The following PCNX2 variants were observed in gnomAD, a reference collection of about 807,000 sequenced individuals.
PCNX2 encodes the protein pecanex 2, also known as pecanex-like protein 2.
A neutral mutation model predicts 223.8 loss-of-function variants in PCNX2; 168 were observed. The ratio of observed to expected loss-of-function variants is 0.75; its 90% CI spans 0.66 to 0.85. The LOEUF is 0.85. Among genes scored for constraint, PCNX2 ranks in the 40% least tolerant of loss-of-function variants. The pLI is 0.00. For missense variants in PCNX2, 2,507 were observed against 2,675.5 expected (o/e 0.94, Z 1.39); for synonymous variants, 1,006 against 1,052.6 (o/e 0.96, Z 0.86).
chr1:233,227,380 T>C lies in PCNX2; in HGVS notation c.2359-9A>G, dbSNP rs759459279. 4 of 1,609,122 alleles carry C rather than the reference T, an allele frequency of 2.5e-6. No homozygotes were observed. In the South Asian group the frequency reaches 4.4e-5, roughly 18 times the overall value. ...AGATCCTGACTCACATGCTTTTAGATACCAAAAGAAACAACAGAAAAAAGG... is the reference window on the plus strand; with the variant it reads ...AGATCCTGACTCACATGCTTTTAGACACCAAAAGAAACAACAGAAAAAAGG... On this transcript the variant is annotated splice_polypyrimidine_tract_variant and intron_variant, in intron 9 of 33. Coordinates refer to ENST00000258229, the MANE Select transcript of PCNX2 (RefSeq NM_014801.4).
upstream of PCNX2, among the ~76,000 whole-genome samples, chr1:233,298,406 TGATA>T (rs1391776717): frequency 6.6e-5 from 10 of 152,126 alleles, no homozygotes; most frequent in African/African-American, 2.4e-4. Context: ...GGATTAAAGA[TGATA>T]AAGTGGGCAG....
At chr1:233,033,246 C>T (rs1230540114) in intron 25 of PCNX2, 27 of 954,376 alleles carry the variant, frequency 2.8e-5, no homozygotes, top group Admixed American at 6.2e-5. Context: ...TTTATTCCCA[C>T]CTAATTTCAA....
At chr1:233,150,765 T>G (rs932470584) in intron 19 of PCNX2, among the ~76,000 whole-genome samples, 8 of 152,232 alleles carry the variant, frequency 5.3e-5, no homozygotes, top group Non-Finnish European at 8.8e-5. Flanking sequence ...TTTCATTAGT[T>G]CAGTGGGAAT....
At chr1:233,109,431 C>T (rs925765542) in intron 21 of PCNX2, among the ~76,000 whole-genome samples, 7 of 152,146 alleles carry the variant, frequency 4.6e-5, no homozygotes, top group East Asian at 1.9e-4. Flanking sequence ...TGGAAAACAA[C>T]GCCGGATGAA....
chr1:233,210,531 G>A, intron 12 of PCNX2: 1 of 944,846 alleles, frequency 1.1e-6, no homozygotes, highest in Non-Finnish European at 1.3e-6. Flanking sequence ...CACCCGACTT[G>A]GCCTCCCAAA....
At chr1:232,998,546 G>C (rs1669958977) in intron 31 of PCNX2, 108 bp from the exon 32 acceptor site, 3 of 1,200,872 alleles carry the variant, frequency 2.5e-6, no homozygotes, top group Non-Finnish European at 3.5e-6. Context: ...GTGCTCTCCA[G>C]GTGAGTAGCC....
intron 32 of PCNX2, among the ~76,000 whole-genome samples, chr1:232,992,971 C>A (rs1226356060): frequency 6.6e-6 from 1 of 152,174 alleles, no homozygotes; most frequent in African/African-American, 2.4e-5. Context: ...TCATTTAAAC[C>A]TTTCTTTATA....
intron 24 of PCNX2, chr1:233,054,693 C>A (rs12083651): frequency 0.22 from 108,551 of 503,032 alleles, 15,766 homozygotes; most frequent in African/African-American, 0.56. Flanking sequence ...ATTTATAGGC[C>A]ATAAGCAGCA....
Position 233,293,804 on chromosome 1 carries a change from T to C in PCNX2, c.153+1522A>G, listed in dbSNP as rs376981547. Reference sequence around the variant, plus strand: ...ATCCCTGCTTTACAAACAAGGAAGGTGAAGCTTGCTCAAGCTCATATTAGG... The same window carrying C: ...ATCCCTGCTTTACAAACAAGGAAGGCGAAGCTTGCTCAAGCTCATATTAGG... On this transcript the variant is annotated intron_variant, in intron 1 of 33. Coordinates refer to ENST00000258229, the MANE Select transcript of PCNX2 (RefSeq NM_014801.4). Among the ~76,000 whole-genome samples, 207 of 152,292 alleles carry C rather than the reference T, an allele frequency of 1.4e-3. 11 individuals are homozygous for C. In the South Asian group the frequency reaches 0.04, roughly 29 times the overall value.
At chr1:233,088,287 T>A (rs1012674974) in intron 23 of PCNX2, among the ~76,000 whole-genome samples, 2 of 152,164 alleles carry the variant, frequency 1.3e-5, no homozygotes, top group Non-Finnish European at 2.9e-5. Flanking sequence ...GGATTCCCTA[T>A]CTGAGAATAG....
At chr1:233,062,925 A>G (rs1271854403) in intron 23 of PCNX2, among the ~76,000 whole-genome samples, 1 of 152,238 alleles carries the variant, frequency 6.6e-6, no homozygotes, top group Non-Finnish European at 1.5e-5. Flanking sequence ...ACATACTAAA[A>G]GTAACTCCAG....
chr1:232,986,602 G>C, intron 32 of PCNX2, 62 bp from the exon 33 acceptor site: 1 of 1,394,884 alleles, frequency 7.2e-7, no homozygotes, highest in Non-Finnish European at 9.4e-7. Flanking sequence ...ATACCTGTGT[G>C]GTGCAGCAGG....
intron 8 of PCNX2, among the ~76,000 whole-genome samples, chr1:233,248,466 C>G (rs573144479): frequency 6.6e-6 from 1 of 151,922 alleles, no homozygotes; most frequent in Admixed American, 6.6e-5. Flanking sequence ...AGAGAAGACA[C>G]GAGATCTAGG....
chr1:233,251,659 G>C (rs529044826), intron 7 of PCNX2, among the ~76,000 whole-genome samples: 3 of 152,278 alleles, frequency 2.0e-5, no homozygotes, highest in African/African-American at 7.2e-5. Flanking sequence ...ACATGCAAAA[G>C]CATTTAAAAC....
chr1:233,103,354 T>A (rs561217755), intron 21 of PCNX2, among the ~76,000 whole-genome samples: 5 of 152,260 alleles, frequency 3.3e-5, no homozygotes, highest in African/African-American at 9.6e-5. Context: ...CTTGTTATGT[T>A]ATCAAACACA....
intron 8 of PCNX2, among the ~76,000 whole-genome samples, chr1:233,248,570 G>C (rs1359097170): frequency 6.6e-6 from 1 of 151,958 alleles, no homozygotes. Flanking sequence ...GCAAAACTAG[G>C]CCCCAATGAC....
intron 21 of PCNX2, among the ~76,000 whole-genome samples, chr1:233,119,567 A>G (rs2102732073): frequency 6.7e-6 from 1 of 150,302 alleles, no homozygotes; most frequent in South Asian, 2.1e-4. Context: ...CCTGGGTGAC[A>G]GAACGAGACC....
intron 23 of PCNX2, among the ~76,000 whole-genome samples, chr1:233,066,440 C>T (rs1348411869): frequency 6.6e-6 from 1 of 152,214 alleles, no homozygotes; most frequent in Non-Finnish European, 1.5e-5. Flanking sequence ...TTTTTAGGTG[C>T]CACCATATTC....
intron 17 of PCNX2, among the ~76,000 whole-genome samples, chr1:233,164,017 T>C (rs1678651903): frequency 6.6e-6 from 1 of 152,206 alleles, no homozygotes; most frequent in Non-Finnish European, 1.5e-5. Flanking sequence ...TTCATGAACA[T>C]TTCCCTGGAC....
Sources: allele counts gnomAD v4.1 joint callset (sites outside exome capture counted in the v4.1 genomes callset), GRCh38; gene constraint gnomAD v4.1.1; transcripts MANE v1.5; gene names NCBI Gene and HGNC (gene_info 2026-07-23, HGNC 2026-07-21).